The following LRP1B variants were observed in gnomAD, a reference collection of about 807,000 sequenced individuals.
LRP1B encodes LDL receptor related protein 1B.
Under a neutral mutation model 556.6 loss-of-function variants are expected in LRP1B, and 217 were observed. The ratio of observed to expected loss-of-function variants is 0.39; its 90% CI spans 0.35 to 0.44. The LOEUF (loss-of-function observed/expected upper bound fraction) is 0.44, where lower values mean the gene tolerates loss of function less well. Among genes scored for constraint, LRP1B ranks in the 20% least tolerant of loss-of-function variants. The probability of loss-of-function intolerance (pLI) is 1.00; values close to 1 mark genes in which losing one functional copy is unlikely to be tolerated. For synonymous variants in LRP1B, 2,047 were observed against 1,865.8 expected, an observed-to-expected ratio of 1.10 and a Z score of -2.50; for missense variants, 5,053 against 5,620.8, an observed-to-expected ratio of 0.90 and a Z score of 3.23.
intron 18 of LRP1B, among the ~76,000 whole-genome samples, chr2:140,970,647 C>T (rs1262086839): frequency 4.0e-5 from 6 of 150,896 alleles, no homozygotes; most frequent in Non-Finnish European, 8.8e-5. Context: ...GGAGCTGTTC[C>T]TATTTGGCCA....
intron 1 of LRP1B, among the ~76,000 whole-genome samples, chr2:141,948,817 C>T (rs1030886197): frequency 6.6e-5 from 10 of 151,874 alleles, no homozygotes; most frequent in African/African-American, 2.4e-4. Context: ...ATAACAATAG[C>T]AGGATCTAAA....
intron 25 of LRP1B, among the ~76,000 whole-genome samples, chr2:140,874,530 C>T (rs1340184647): frequency 5.3e-5 from 8 of 152,046 alleles, no homozygotes; most frequent in African/African-American, 1.9e-4. Flanking sequence ...CTTTGGTAAC[C>T]AGTCTAACAG....
At chr2:141,748,799 C>A (rs1694002636) in intron 2 of LRP1B, among the ~76,000 whole-genome samples, 1 of 152,136 alleles carries the variant, frequency 6.6e-6, no homozygotes, top group African/African-American at 2.4e-5. Flanking sequence ...CAAATAGACG[C>A]AAACATGCAA....
chr2:141,914,971 A>T (rs1699993691), intron 1 of LRP1B, among the ~76,000 whole-genome samples: 1 of 152,314 alleles, frequency 6.6e-6, no homozygotes, highest in Non-Finnish European at 1.5e-5. Context: ...AACTACCAAT[A>T]TCATTTTTCA....
At position 140,847,584 on chromosome 2, in the gene LRP1B, T is replaced by A. The variant is rs1377587868; in HGVS notation, c.4939+2518A>T. Among the ~76,000 whole-genome samples, 4 of 152,014 alleles carry A rather than the reference T, an allele frequency of 2.6e-5. No homozygotes were observed. The East Asian group carries it at 7.8e-4, about 29-fold the overall frequency. ...GAGTTTGAGACCAGCCTGGCCAATG[T>A]GGTGAAACCCCATCTCTACTAAAAA... On this transcript the variant is annotated intron_variant, in intron 29 of 90. Coordinates refer to ENST00000389484, the MANE Select transcript of LRP1B (RefSeq NM_018557.3).
At chr2:140,584,737 T>A (rs567550457) in intron 43 of LRP1B, among the ~76,000 whole-genome samples, 7 of 152,250 alleles carry the variant, frequency 4.6e-5, no homozygotes, top group African/African-American at 1.7e-4. Context: ...CTGAAATGTA[T>A]GTGGACTTAA....
chr2:141,069,542 T>C (rs1699577509), intron 7 of LRP1B, among the ~76,000 whole-genome samples: 1 of 152,018 alleles, frequency 6.6e-6, no homozygotes, highest in Non-Finnish European at 1.5e-5. Flanking sequence ...TTGTTTATGA[T>C]CCATCACTAC....
At chr2:141,923,599 C>T (rs1482046406) in intron 1 of LRP1B, among the ~76,000 whole-genome samples, 2 of 147,610 alleles carry the variant, frequency 1.4e-5, no homozygotes, top group Non-Finnish European at 1.5e-5. Context: ...GTAATGTTAC[C>T]CTGAATTTAC....
At chr2:140,989,749 A>T (rs1697033414) in intron 16 of LRP1B, 92 bp from the exon 17 acceptor site, 2 of 1,216,172 alleles carry the variant, frequency 1.6e-6, no homozygotes, top group Non-Finnish European at 2.4e-6. Flanking sequence ...TACAGTAATA[A>T]TATTATAGTA....
At chr2:140,862,870 T>C (rs922495216) in intron 27 of LRP1B, among the ~76,000 whole-genome samples, 2 of 152,142 alleles carry the variant, frequency 1.3e-5, no homozygotes. Context: ...AATAAAAAGG[T>C]AGAGGAAAGG....
At chr2:140,562,998 C>T (rs1680989115) in intron 43 of LRP1B, among the ~76,000 whole-genome samples, 1 of 152,012 alleles carries the variant, frequency 6.6e-6, no homozygotes, top group Non-Finnish European at 1.5e-5. Flanking sequence ...TACTGTTGTG[C>T]TTATAATAAC....
At chr2:140,999,067 C>A (rs1177559948) in intron 15 of LRP1B, among the ~76,000 whole-genome samples, 1 of 151,952 alleles carries the variant, frequency 6.6e-6, no homozygotes, top group Non-Finnish European at 1.5e-5. Flanking sequence ...TTTTCATCTG[C>A]AAACTAAGGC....
chr2:140,959,378 G>GT (rs1695968039), intron 18 of LRP1B, among the ~76,000 whole-genome samples: 4 of 151,444 alleles, frequency 2.6e-5, no homozygotes, highest in African/African-American at 4.8e-5. Flanking sequence ...TGCATTTTCT[G>GT]TTTTTTTAAT....
chr2:141,075,499 G>A (rs61350061), intron 7 of LRP1B, among the ~76,000 whole-genome samples: 1,885 of 152,168 alleles, frequency 0.012, 43 homozygotes, highest in African/African-American at 0.044. Flanking sequence ...TGCTATTTTA[G>A]CATTCCTTCA....
intron 27 of LRP1B, among the ~76,000 whole-genome samples, chr2:140,853,343 C>CGAGATTTTAACCATTT (rs1184659272): frequency 6.6e-6 from 1 of 152,056 alleles, no homozygotes; most frequent in African/African-American, 2.4e-5. Context: ...ATAAAACTAC[C>CGAGATTTTAACCATTT]GAGATTTTAA....
At chr2:140,463,506 C>G (rs1238188026) in intron 60 of LRP1B, among the ~76,000 whole-genome samples, 5 of 152,154 alleles carry the variant, frequency 3.3e-5, no homozygotes, top group Non-Finnish European at 7.3e-5. Flanking sequence ...TTAATGCAAT[C>G]CTACTTGATA....
rs77877738 is a variant in LRP1B at position 140,410,361 on chromosome 2, A to T, written c.10415-24352T>A. Among the ~76,000 whole-genome samples the T allele has an allele frequency of 4.6e-5, 7 of 150,844 alleles. No homozygotes were observed. In the East Asian group the frequency reaches 1.4e-3, roughly 29 times the overall value. ...CAACAAAGTATTGATTTTTTTTTTT[A>T]GGATTCTGCTTACAGTACATGATTG... On this transcript the variant is annotated intron_variant, in intron 66 of 90. Coordinates refer to ENST00000389484, the MANE Select transcript of LRP1B (RefSeq NM_018557.3).
chr2:140,669,533 C>T lies in LRP1B; in HGVS notation c.6799+30717G>A, dbSNP rs992704919. 7.9e-5 allele frequency among the ~76,000 whole-genome samples: 12 copies of T among 152,110 alleles called. No homozygotes were observed. The East Asian group carries it at 1.2e-3, about 15-fold the overall frequency. Reference sequence around the variant, plus strand: ...TGGAAGGTGCAAAGGAAACTAATCACGTTCCAAGATTTAATTATCATTTTT... The same window carrying T: ...TGGAAGGTGCAAAGGAAACTAATCATGTTCCAAGATTTAATTATCATTTTT... On this transcript the variant is annotated intron_variant, in intron 41 of 90. Coordinates refer to ENST00000389484, the MANE Select transcript of LRP1B (RefSeq NM_018557.3).
At chr2:141,159,128 A>G (rs915739772) in intron 7 of LRP1B, among the ~76,000 whole-genome samples, 1 of 152,184 alleles carries the variant, frequency 6.6e-6, no homozygotes, top group Non-Finnish European at 1.5e-5. Context: ...TCTTCCACAG[A>G]AGGTGCCTAA....
Sources: allele counts gnomAD v4.1 joint callset (sites outside exome capture counted in the v4.1 genomes callset), GRCh38; gene constraint gnomAD v4.1.1; transcripts MANE v1.5; gene names NCBI Gene and HGNC (gene_info 2026-07-23, HGNC 2026-07-21).